The following TRIQK variants were observed in gnomAD, a reference collection of about 807,000 sequenced individuals.
The protein encoded by TRIQK is triple QxxK/R motif containing, also known as triple QxxK/R motif-containing protein.
Under a neutral mutation model 10.8 loss-of-function variants are expected in TRIQK, and 10 were observed. The ratio of observed to expected loss-of-function variants is 0.92; its 90% confidence interval spans 0.57 to 1.57. The LOEUF (loss-of-function observed/expected upper bound fraction) is 1.57. Ranked by LOEUF, TRIQK falls within the 40% of genes most tolerant of loss-of-function variation. The pLI, the probability that TRIQK is intolerant of heterozygous loss-of-function variation, is 0.00. For missense variants in TRIQK, 107 were observed against 97.7 expected (o/e 1.09, Z -0.40); for synonymous variants, 33 against 33.7 (o/e 0.98, Z 0.07).
At chr8:92,887,698 T>C (rs1255915607) in intron 4 of TRIQK, among the ~76,000 whole-genome samples, 1 of 151,608 alleles carries the variant, frequency 6.6e-6, no homozygotes, top group Admixed American at 6.6e-5. Context: ...CATTAGCATT[T>C]ACATGAATAT....
At chr8:92,888,629 T>G (rs901487746) in intron 4 of TRIQK, among the ~76,000 whole-genome samples, 1 of 151,474 alleles carries the variant, frequency 6.6e-6, no homozygotes, top group Admixed American at 6.6e-5. Context: ...TAACCATAAC[T>G]TAGAGACCTA....
In TRIQK at chr8:92,987,449, T is replaced by C. The variant is rs539164348; in HGVS notation, c.-181+30160A>G. Among the ~76,000 whole-genome samples, 6 of 152,352 alleles carry C rather than the reference T, an allele frequency of 3.9e-5. No homozygotes were observed. In the East Asian group the frequency reaches 1.2e-3, roughly 29 times the overall value. ...GTTATTTAATGTATAGGCTTATATG[T>C]GTGTATGTCATTTGGTTTTACATGA... On this transcript the variant is annotated intron_variant, in intron 1 of 4. Transcript: ENST00000520686.
At chr8:92,906,758 T>TG (rs1809284354) in intron 3 of TRIQK, among the ~76,000 whole-genome samples, 1 of 146,448 alleles carries the variant, frequency 6.8e-6, no homozygotes, top group Non-Finnish European at 1.5e-5. Flanking sequence ...CCGGGCGTGG[T>TG]GGCAGGCGCC....
At chr8:93,015,560 A>G (rs1813377123) in intron 1 of TRIQK, among the ~76,000 whole-genome samples, 1 of 151,742 alleles carries the variant, frequency 6.6e-6, no homozygotes, top group African/African-American at 2.4e-5. Context: ...ATGGAGAAAG[A>G]TGCAACTTTC....
chr8:92,884,718 T>G lies in TRIQK; in HGVS notation c.*1904A>C. 2.5e-6 allele frequency: 1 copy of G among 400,396 alleles called. No individual in the cohort carries two copies. Among genetic ancestry groups the G allele is most frequent in the Non-Finnish European group, 5.0e-6 (1 of 199,820 alleles). The allele number at this position is 400,396 out of a possible 1,614,324, so 24.8% of individuals were successfully genotyped here. On this transcript the variant is annotated 3_prime_UTR_variant, in exon 5 of 5. Coordinates refer to ENST00000521988, the MANE Select transcript of TRIQK (RefSeq NM_001171797.2). ...TTTGGATAAGTATCTAATAAGCAAT[T>G]ATTACATATCCTCTCATTTAAATTA... is the stretch of plus-strand genomic sequence containing the variant.
intron 1 of TRIQK, among the ~76,000 whole-genome samples, chr8:92,998,280 A>G (rs529665816): frequency 7.9e-5 from 12 of 151,996 alleles, no homozygotes; most frequent in Non-Finnish European, 1.6e-4. Context: ...TCTCTTTTGT[A>G]TTCATTTTAA....
chr8:92,987,473 G>A (rs1398146235), intron 1 of TRIQK, among the ~76,000 whole-genome samples: 1 of 152,186 alleles, frequency 6.6e-6, no homozygotes, highest in African/African-American at 2.4e-5. Flanking sequence ...GGTTTTACAT[G>A]ATAAGCATTT....
intron 3 of TRIQK, among the ~76,000 whole-genome samples, chr8:92,915,531 T>C (rs934090257): frequency 3.3e-5 from 5 of 151,908 alleles, no homozygotes; most frequent in Admixed American, 6.6e-5. Flanking sequence ...TCACCCAGGC[T>C]GTAGTGCAGT....
chr8:92,969,445 T>C (rs185449556), upstream of TRIQK, among the ~76,000 whole-genome samples: 1 of 152,024 alleles, frequency 6.6e-6, no homozygotes, highest in African/African-American at 2.4e-5. Context: ...ACCCAACATA[T>C]GGTTTATCTT....
intron 1 of TRIQK, among the ~76,000 whole-genome samples, chr8:93,000,530 C>T (rs533131020): frequency 6.6e-6 from 1 of 152,262 alleles, no homozygotes; most frequent in African/African-American, 2.4e-5. Flanking sequence ...CCATTTCCCT[C>T]CCATGACATG....
chr8:93,004,561 A>G (rs1747516498), intron 1 of TRIQK, among the ~76,000 whole-genome samples: 1 of 152,154 alleles, frequency 6.6e-6, no homozygotes, highest in African/African-American at 2.4e-5. Context: ...CCTTCCCCAA[A>G]AGTGGGTTTT....
intron 1 of TRIQK, among the ~76,000 whole-genome samples, chr8:92,958,902 G>A (rs1812307758): frequency 6.6e-6 from 1 of 151,998 alleles, no homozygotes; most frequent in African/African-American, 2.4e-5. Flanking sequence ...CACCTCTGCG[G>A]CAATTACACA....
chr8:92,932,131 C>A (rs1317506473), intron 2 of TRIQK, among the ~76,000 whole-genome samples: 1 of 152,118 alleles, frequency 6.6e-6, no homozygotes, highest in South Asian at 2.1e-4. Context: ...TCTTCTTTAC[C>A]TCTTTCATTA....
intron 1 of TRIQK, among the ~76,000 whole-genome samples, chr8:93,010,599 A>C (rs1813322203): frequency 6.6e-6 from 1 of 152,112 alleles, no homozygotes; most frequent in Non-Finnish European, 1.5e-5. Context: ...TATCTCATTA[A>C]ATACTTTTAT....
Position 92,948,425 on chromosome 8 carries a change from C to T in TRIQK, c.-22+5981G>A, listed in dbSNP as rs1312330836. Among the ~76,000 whole-genome samples the T allele has an allele frequency of 3.3e-5, 5 of 152,168 alleles. No homozygotes were observed. In the South Asian group the frequency reaches 8.3e-4, roughly 25 times the overall value. Reference sequence around the variant, plus strand: ...ATTTTACAGCAATCAATATTTCTTCCTTTTCATGATTAATGTAGATATTAT... The same window carrying T: ...ATTTTACAGCAATCAATATTTCTTCTTTTTCATGATTAATGTAGATATTAT... On this transcript the variant is annotated intron_variant, in intron 2 of 4. Coordinates refer to ENST00000521988, the MANE Select transcript of TRIQK (RefSeq NM_001171797.2).
At chr8:92,980,251 G>A (rs571856434) in intron 1 of TRIQK, among the ~76,000 whole-genome samples, 85 of 151,972 alleles carry the variant, frequency 5.6e-4, no homozygotes, top group African/African-American at 2.0e-3. Flanking sequence ...TCTAATATGG[G>A]AATTTACTTT....
At chr8:92,983,201 G>C (rs1813002345) in intron 1 of TRIQK, among the ~76,000 whole-genome samples, 1 of 152,050 alleles carries the variant, frequency 6.6e-6, no homozygotes, top group Admixed American at 6.6e-5. Context: ...GACACTACTA[G>C]TTTTGTCAGA....
At chr8:92,889,690 T>C (rs1009478873) in intron 4 of TRIQK, among the ~76,000 whole-genome samples, 11 of 151,650 alleles carry the variant, frequency 7.3e-5, no homozygotes, top group African/African-American at 2.7e-4. Flanking sequence ...CTTCTACACA[T>C]TCAATTCAAT....
chr8:92,920,635 T>C (rs560724578), intron 2 of TRIQK, among the ~76,000 whole-genome samples: 3 of 151,200 alleles, frequency 2.0e-5, no homozygotes, highest in African/African-American at 7.3e-5. Context: ...CACTATTGGG[T>C]AGAAAAAGAG....
Sources: allele counts gnomAD v4.1 joint callset (sites outside exome capture counted in the v4.1 genomes callset), GRCh38; gene constraint gnomAD v4.1.1; transcripts MANE v1.5; gene names NCBI Gene and HGNC (gene_info 2026-07-23, HGNC 2026-07-21).